Variants in DPYSL5 observed in about 807,000 individuals in gnomAD.
The protein encoded by DPYSL5 is dihydropyrimidinase like 5.
DPYSL5 carries 9 observed loss-of-function variants against 58.4 expected under a neutral mutation model. The ratio of observed to expected loss-of-function variants is 0.15; its 90% CI spans 0.09 to 0.27. The LOEUF (loss-of-function observed/expected upper bound fraction) is 0.27. DPYSL5 is among the 10% of genes least tolerant of loss of function. DPYSL5 has a pLI of 1.00. For missense variants in DPYSL5, 499 were observed against 770.6 expected, an observed-to-expected ratio of 0.65 and a Z score of 4.17; for synonymous variants, 293 against 301.9, an observed-to-expected ratio of 0.97 and a Z score of 0.31.
At chr2:26,896,838 C>T (rs1486695814) in intron 1 of DPYSL5, among the ~76,000 whole-genome samples, 1 of 152,186 alleles carries the variant, frequency 6.6e-6, no homozygotes, top group Non-Finnish European at 1.5e-5. Flanking sequence ...TTTCTCTTCA[C>T]TCTGTTGATT....
intron 2 of DPYSL5, among the ~76,000 whole-genome samples, chr2:26,912,341 A>C (rs1035549795): frequency 6.6e-6 from 1 of 152,204 alleles, no homozygotes; most frequent in African/African-American, 2.4e-5. Context: ...GCTTTATGGC[A>C]CTGTCACACC....
At chr2:26,917,221 G>A (rs1457975043) in intron 2 of DPYSL5, among the ~76,000 whole-genome samples, 1 of 152,210 alleles carries the variant, frequency 6.6e-6, no homozygotes, top group African/African-American at 2.4e-5. Flanking sequence ...ACTATAGTGA[G>A]AGCAAAGTAA....
intron 1 of DPYSL5, among the ~76,000 whole-genome samples, chr2:26,881,568 C>A (rs1663562120): frequency 6.6e-6 from 1 of 152,106 alleles, no homozygotes; most frequent in African/African-American, 2.4e-5. Flanking sequence ...GGTGTCAGGT[C>A]CGTAAGAAAG....
chr2:26,940,242 C>CCGTTTCATCCCCGTTCTAATCCA, intron 9 of DPYSL5, 70 bp downstream of exon 9: 1 of 1,560,056 alleles, frequency 6.4e-7, no homozygotes, highest in Admixed American at 1.7e-5. Context: ...GTTCTAATCC[C>CCGTTTCATCCCCGTTCTAATCCA]AATAAGAGTA....
intron 2 of DPYSL5, among the ~76,000 whole-genome samples, chr2:26,910,342 T>C (rs1370281227): frequency 2.0e-5 from 3 of 152,326 alleles, no homozygotes; most frequent in African/African-American, 4.8e-5. Context: ...AATTTTTTTT[T>C]CCCCATCAGT....
At chr2:26,897,210 G>A (rs894020957) in intron 1 of DPYSL5, among the ~76,000 whole-genome samples, 1 of 152,112 alleles carries the variant, frequency 6.6e-6, no homozygotes, top group Non-Finnish European at 1.5e-5. Context: ...ACGTTGCCTA[G>A]CACTGGCAAA....
intron 5 of DPYSL5, among the ~76,000 whole-genome samples, chr2:26,929,032 G>A (rs1053693854): frequency 6.6e-6 from 1 of 151,958 alleles, no homozygotes; most frequent in Non-Finnish European, 1.5e-5. Context: ...ACCGGTACAG[G>A]ACCGCAGAGC....
intron 1 of DPYSL5, among the ~76,000 whole-genome samples, chr2:26,893,296 T>C (rs1490282277): frequency 6.6e-6 from 1 of 152,196 alleles, no homozygotes; most frequent in Non-Finnish European, 1.5e-5. Flanking sequence ...ATAAACCAAC[T>C]GTTTCCAGGA....
chr2:26,862,957 G>C (rs1203696290), intron 1 of DPYSL5, among the ~76,000 whole-genome samples: 1 of 152,144 alleles, frequency 6.6e-6, no homozygotes, highest in African/African-American at 2.4e-5. Context: ...GAGGGGAGGG[G>C]ACTTGTTGAG....
intron 1 of DPYSL5, among the ~76,000 whole-genome samples, chr2:26,887,492 G>C (rs1252540981): frequency 5.9e-5 from 9 of 152,230 alleles, no homozygotes; most frequent in Non-Finnish European, 8.8e-5. Flanking sequence ...CCAAAACACA[G>C]TGTTGGGCTT....
At chr2:26,848,715 A>T (rs1015045444) in intron 1 of DPYSL5, among the ~76,000 whole-genome samples, 5 of 151,934 alleles carry the variant, frequency 3.3e-5, no homozygotes, top group African/African-American at 4.8e-5. Flanking sequence ...ACCCAGATAC[A>T]CACCCTCCGT....
intron 2 of DPYSL5, among the ~76,000 whole-genome samples, chr2:26,913,231 A>G (rs898708434): frequency 5.3e-5 from 8 of 152,146 alleles, no homozygotes; most frequent in African/African-American, 1.9e-4. Flanking sequence ...GATGAGGGTG[A>G]ATGAATAAGA....
rs1665505714 is a variant in DPYSL5, at chr2:26,947,012, C to G, written c.*17C>G. On this transcript the variant is annotated 3_prime_UTR_variant, in exon 13 of 13. Transcript: ENST00000288699. The surrounding 1 kb of genome is among the most constrained non-coding windows in gnomAD (Gnocchi z 4.2). ...ATTTGGTAAAGGCATTGCCAAGCCC[C>G]CCGAGTGAGGACGCACCGCCGCCAC... The G allele has an allele frequency of 1.9e-6, 3 of 1,597,024 alleles. No individual in the cohort carries two copies. The highest frequency in any genetic ancestry group is 2.6e-6 in the Non-Finnish European group (3 of 1,165,942).
rs986880893 is a variant in DPYSL5 at position 26,905,924 on chromosome 2, G to A, written c.261+7164G>A. On this transcript the variant is annotated intron_variant, in intron 2 of 12. Transcript: ENST00000288699. The surrounding 1 kb of genome is among the most constrained non-coding windows in gnomAD (Gnocchi z 4.0). ...GCAAGCCGCCATCCAGGTGTCAATGGGCTGCATTCTCATCTGGAGTCCAGG... is the reference window on the plus strand; with the variant it reads ...GCAAGCCGCCATCCAGGTGTCAATGAGCTGCATTCTCATCTGGAGTCCAGG... 1.3e-5 allele frequency among the ~76,000 whole-genome samples: 2 copies of A among 152,086 alleles called. No homozygotes were observed. The highest frequency in any genetic ancestry group is 4.8e-5 in the African/African-American group (2 of 41,404).
At chr2:26,938,282 G>A (rs1266578465) in intron 8 of DPYSL5, among the ~76,000 whole-genome samples, 1 of 152,248 alleles carries the variant, frequency 6.6e-6, no homozygotes, top group Non-Finnish European at 1.5e-5. Flanking sequence ...AGTTGAGCCT[G>A]TTGCTCTCAG....
intron 11 of DPYSL5, among the ~76,000 whole-genome samples, chr2:26,943,086 G>A (rs907273892): frequency 2.6e-5 from 4 of 152,148 alleles, no homozygotes; most frequent in African/African-American, 7.2e-5. Flanking sequence ...AGGTGCTGGG[G>A]GCTGGAGATG....
chr2:26,935,271 T>A (rs147868001), intron 8 of DPYSL5, among the ~76,000 whole-genome samples: 4 of 152,312 alleles, frequency 2.6e-5, no homozygotes, highest in Middle Eastern at 3.4e-3. Flanking sequence ...CACTGCTTTT[T>A]CCCCATGCAA....
At chr2:26,860,236 C>G (rs1665977629) in intron 1 of DPYSL5, among the ~76,000 whole-genome samples, 1 of 152,154 alleles carries the variant, frequency 6.6e-6, no homozygotes, top group Non-Finnish European at 1.5e-5. Context: ...TAAAAACAAT[C>G]AAAGGGACAT....
chr2:26,884,157 G>A (rs977538482), intron 1 of DPYSL5, among the ~76,000 whole-genome samples: 36 of 152,174 alleles, frequency 2.4e-4, no homozygotes, highest in Admixed American at 9.2e-4. Context: ...GCCAGGAGTC[G>A]GTGCCGGGTG....
Sources: allele counts gnomAD v4.1 joint callset (sites outside exome capture counted in the v4.1 genomes callset), GRCh38; gene constraint gnomAD v4.1.1; non-coding constraint Gnocchi (gnomAD v3.1); transcripts MANE v1.5; gene names NCBI Gene and HGNC (gene_info 2026-07-23, HGNC 2026-07-21).